Variants in MBD5 observed in about 807,000 individuals in gnomAD.
MBD5 encodes the protein methyl-CpG binding domain protein 5, also known as methyl-CpG-binding domain protein 5.
In MBD5, 13 loss-of-function variants were observed where a neutral mutation model predicts 117.3. The observed-to-expected ratio is 0.11, with a 90% CI of 0.07 to 0.18. MBD5 has a LOEUF of 0.18. MBD5 is among the 10% of genes least tolerant of loss of function. MBD5 has a pLI of 1.00. For synonymous variants in MBD5, 727 were observed against 766.4 expected (o/e 0.95, Z 0.85); for missense variants, 1,879 against 2,093.8 (o/e 0.90, Z 2.00).
At chr2:148,426,804 A>T (rs1482482081) in intron 4 of MBD5, among the ~76,000 whole-genome samples, 2 of 152,310 alleles carry the variant, frequency 1.3e-5, no homozygotes, top group Non-Finnish European at 2.9e-5. Flanking sequence ...GACAAATGGG[A>T]TCTAATTAAA....
intron 4 of MBD5, among the ~76,000 whole-genome samples, chr2:148,451,410 A>G (rs947172137): frequency 3.3e-5 from 5 of 152,170 alleles, no homozygotes; most frequent in Admixed American, 2.6e-4. Flanking sequence ...TGTCTTGAGT[A>G]AATAGGTCAA....
rs1681229881 is a variant in MBD5, at chr2:148,483,461, C to A, written c.2870C>A (p.Pro957His). The A allele has an allele frequency of 6.2e-7, 1 of 1,613,958 alleles. No homozygotes were observed. The highest frequency in any genetic ancestry group is 1.3e-5 in the African/African-American group (1 of 74,918). Residue 957 changes from proline to histidine, a missense_variant, in exon 9 of 14, where the codon CCT (proline) becomes CAT (histidine). By Grantham distance (77) the Pro-to-His change is moderately conservative. This residue lies in a region of MBD5 where 1,666 missense variants were observed against 1,792.2 expected (regional missense o/e 0.93). Coordinates refer to ENST00000642680, the MANE Select transcript of MBD5 (RefSeq NM_001378120.1). The stretch of plus-strand genomic sequence containing the variant: ...GGCAAGTCTGAGATCAACCTCCACC[C>A]TTTAGGTTTTCTCAACCCGAATGTA... The part of the protein sequence containing the change: ...GEGKSEINLH[P>H]LGFLNPNVNA...
rs1680903045 is a variant in MBD5 at position 148,474,667 on chromosome 2, T to C, written c.2518+4206T>C. Among the ~76,000 whole-genome samples, 4 of 152,122 alleles carry C rather than the reference T, an allele frequency of 2.6e-5. No homozygotes were observed. In the South Asian group the frequency reaches 8.3e-4, roughly 32 times the overall value. ...TTGCCTTAACTCTTAAAGATATACA[T>C]GACAAGAATATAAATAAGCCTACAA... On this transcript the variant is annotated intron_variant, in intron 8 of 13. Coordinates refer to ENST00000642680, the MANE Select transcript of MBD5 (RefSeq NM_001378120.1).
chr2:148,490,219 A>G lies in MBD5; in HGVS notation c.4587A>G (p.Arg1529=), dbSNP rs1314334240. The change falls in exon 11 of 14, where the codon CGA becomes CGG. Residue 1529 remains arginine, a synonymous_variant. Coordinates refer to ENST00000642680, the MANE Select transcript of MBD5 (RefSeq NM_001378120.1). ...RCAHINGNRP[R]QSRGFGELLS... The stretch of plus-strand genomic sequence containing the variant: ...CACACATAAATGGGAATAGACCTCG[A>G]CAGAGTCGGGGATTTGGAGAGCTGC... 6.2e-7 allele frequency: 1 copy of G among 1,614,094 alleles called. No homozygotes were observed. The highest frequency in any genetic ancestry group is 8.5e-7 in the Non-Finnish European group (1 of 1,180,042).
rs1706944104 is a variant in MBD5, at chr2:148,458,190, A to G, written c.-556-13A>G. The G allele has an allele frequency of 1.2e-5, 5 of 400,016 alleles. No individual in the cohort carries two copies. Among genetic ancestry groups the G allele is most frequent in the Non-Finnish European group, 2.2e-5 (5 of 226,954 alleles). The allele number at this position is 400,016 out of a possible 1,614,324, so 24.8% of individuals were successfully genotyped here. On this transcript the variant is annotated splice_polypyrimidine_tract_variant and intron_variant, in intron 4 of 13. Coordinates refer to ENST00000642680, the MANE Select transcript of MBD5 (RefSeq NM_001378120.1). ...ATTAAATATACAAGTTCACATATTT[A>G]CATATGTTTCAGGCTACATTATTGG...
At chr2:148,144,001 A>C (rs916243812) in intron 1 of MBD5, among the ~76,000 whole-genome samples, 18 of 152,150 alleles carry the variant, frequency 1.2e-4, no homozygotes, top group Non-Finnish European at 1.8e-4. Context: ...TGGTATTTCT[A>C]GTTCTAGATC....
At position 148,158,878 on chromosome 2, in the gene MBD5, C is replaced by A. The variant is rs140836147; in HGVS notation, c.-924-19822C>A. ...GGCGCTACAGGCGCCCGCCACCATG[C>A]CTGGCTAATTTTTTTTGGTATTTTT... On this transcript the variant is annotated intron_variant, in intron 1 of 13. Transcript: ENST00000642680. Among the ~76,000 whole-genome samples the A allele has an allele frequency of 3.8e-3, 572 of 152,346 alleles. 4 individuals carry two copies. The highest frequency in any genetic ancestry group is 0.013 in the African/African-American group (537 of 41,588).
chr2:148,046,519 A>G (rs1012396360), intron 1 of MBD5, among the ~76,000 whole-genome samples: 1 of 152,046 alleles, frequency 6.6e-6, no homozygotes, highest in African/African-American at 2.4e-5. Context: ...ACTTTCTTGG[A>G]TGGTGCTGTC....
intron 1 of MBD5, chr2:148,071,321 T>A (rs1695351641): frequency 7.1e-6 from 1 of 140,092 alleles, no homozygotes; most frequent in African/African-American, 2.7e-5. Flanking sequence ...TGTGTGTGTG[T>A]GTATGTGTAG....
chr2:148,418,631 C>G (rs1705500038), intron 4 of MBD5, among the ~76,000 whole-genome samples: 1 of 151,782 alleles, frequency 6.6e-6, no homozygotes, highest in Non-Finnish European at 1.5e-5. Flanking sequence ...ACAATAGCTA[C>G]AAAAAATAAA....
At chr2:148,386,156 A>C (rs1704353796) in intron 4 of MBD5, among the ~76,000 whole-genome samples, 1 of 152,160 alleles carries the variant, frequency 6.6e-6, no homozygotes, top group Non-Finnish European at 1.5e-5. Flanking sequence ...TAAATGACCT[A>C]GATTTTCAAT....
chr2:148,140,092 A>G (rs1239724565), intron 1 of MBD5, among the ~76,000 whole-genome samples: 1 of 152,202 alleles, frequency 6.6e-6, no homozygotes, highest in Non-Finnish European at 1.5e-5. Context: ...GGCCCAGAGA[A>G]ATTAAAGGAT....
intron 3 of MBD5, among the ~76,000 whole-genome samples, chr2:148,270,898 T>C (rs547470635): frequency 6.6e-6 from 1 of 152,288 alleles, no homozygotes; most frequent in East Asian, 1.9e-4. Flanking sequence ...AATTTTTTAA[T>C]TCCCTTTTCC....
Position 148,461,505 on chromosome 2 carries a change from G to A in MBD5, c.114-1077G>A, listed in dbSNP as rs546851355. Among the ~76,000 whole-genome samples, 10 of 152,294 alleles carry A rather than the reference G, an allele frequency of 6.6e-5. No homozygotes were observed. In the East Asian group the frequency reaches 1.5e-3, roughly 23 times the overall value. On this transcript the variant is annotated intron_variant, in intron 5 of 13. Transcript: ENST00000642680. Reference sequence around the variant, plus strand: ...AAAAAATACTACTTGTGTTTTTGTAGATAGAACAATCTGTGTCCAGTATTG... The same window carrying A: ...AAAAAATACTACTTGTGTTTTTGTAAATAGAACAATCTGTGTCCAGTATTG...
intron 1 of MBD5, among the ~76,000 whole-genome samples, chr2:148,033,378 C>T (rs1694094749): frequency 6.6e-6 from 1 of 152,204 alleles, no homozygotes; most frequent in African/African-American, 2.4e-5. Flanking sequence ...TCTTAGTGTG[C>T]ATCACTTGGA....
At chr2:148,472,078 A>G (rs1413192724) in intron 8 of MBD5, 1 of 152,098 alleles carries the variant, frequency 6.6e-6, no homozygotes, top group African/African-American at 2.4e-5. Context: ...TGCAAAGTGT[A>G]TGTATTTCAT....
At chr2:148,357,439 C>A (rs1255470434) in intron 4 of MBD5, among the ~76,000 whole-genome samples, 1 of 147,030 alleles carries the variant, frequency 6.8e-6, no homozygotes, top group East Asian at 2.0e-4. Flanking sequence ...CTGCTTTTTT[C>A]TTCTGGCTTT....
chr2:148,366,278 C>G (rs184033593), intron 4 of MBD5, among the ~76,000 whole-genome samples: 3 of 88,728 alleles, frequency 3.4e-5, no homozygotes, highest in Non-Finnish European at 7.3e-5. Context: ...ATCCAACACC[C>G]CTTCATGCTA....
intron 2 of MBD5, among the ~76,000 whole-genome samples, chr2:148,201,403 G>A (rs1699138139): frequency 6.6e-6 from 1 of 152,180 alleles, no homozygotes; most frequent in Admixed American, 6.5e-5. Flanking sequence ...CCCAGAGGGG[G>A]ATGTTACAGC....
Sources: allele counts gnomAD v4.1 joint callset (sites outside exome capture counted in the v4.1 genomes callset), GRCh38; gene constraint gnomAD v4.1.1; regional missense constraint gnomAD v4.1.1; transcripts MANE v1.5; gene names NCBI Gene and HGNC (gene_info 2026-07-23, HGNC 2026-07-21).